Variants in RBM33 observed in about 807,000 individuals in gnomAD.
The protein encoded by RBM33 is RNA binding motif protein 33.
In RBM33, 28 loss-of-function variants were observed where a neutral mutation model predicts 132.6. That is an observed-to-expected ratio of 0.21 (90% CI 0.16 to 0.29). RBM33 has a LOEUF of 0.29. Ranked by LOEUF, RBM33 falls within the 10% of genes least tolerant of loss-of-function variation. The pLI, the probability that RBM33 is intolerant of heterozygous loss-of-function variation, is 1.00. For synonymous variants in RBM33, 634 were observed against 593.0 expected, an observed-to-expected ratio of 1.07 and a Z score of -1.01; for missense variants, 1,291 against 1,518.5, an observed-to-expected ratio of 0.85 and a Z score of 2.49.
intron 16 of RBM33, among the ~76,000 whole-genome samples, chr7:155,767,283 G>C (rs1235818983): frequency 2.6e-5 from 4 of 152,372 alleles, no homozygotes; most frequent in Admixed American, 2.6e-4. Context: ...CTACCTGCTT[G>C]TTCAGTCCGA....
intron 4 of RBM33, among the ~76,000 whole-genome samples, chr7:155,679,531 T>C (rs1451483801): frequency 6.6e-6 from 1 of 152,224 alleles, no homozygotes; most frequent in Non-Finnish European, 1.5e-5. Context: ...TAATAGTTTT[T>C]ATTTTATGAG....
At chr7:155,741,072 G>C (rs1322922073) in intron 12 of RBM33, among the ~76,000 whole-genome samples, 1 of 152,160 alleles carries the variant, frequency 6.6e-6, no homozygotes, top group Non-Finnish European at 1.5e-5. Flanking sequence ...CAACTAAAGT[G>C]CTGTGAACAG....
chr7:155,709,574 ACTTG>A (rs1800218947), intron 7 of RBM33, among the ~76,000 whole-genome samples: 2 of 152,134 alleles, frequency 1.3e-5, no homozygotes, highest in South Asian at 4.1e-4. Flanking sequence ...CCTGAATGTC[ACTTG>A]TTTAATCAAA....
chr7:155,742,182 CTCTCACTAAGTTATTCACAAAATCT>C, intron 13 of RBM33, 76 bp downstream of exon 13: 1 of 1,341,742 alleles, frequency 7.5e-7, no homozygotes, highest in Non-Finnish European at 1.0e-6. Context: ...TCTTAGTTCA[CTCTCACTAAGTTATTCACAAAATCT>C]TCCCACTTTT....
intron 15 of RBM33, among the ~76,000 whole-genome samples, chr7:155,764,616 C>T (rs887048855): frequency 3.3e-5 from 5 of 152,226 alleles, no homozygotes; most frequent in Non-Finnish European, 5.9e-5. Context: ...CTGTCACGTA[C>T]GCAAGTGACA....
At chr7:155,721,976 G>C (rs541286142) in intron 9 of RBM33, among the ~76,000 whole-genome samples, 1 of 152,138 alleles carries the variant, frequency 6.6e-6, no homozygotes. Flanking sequence ...GGTTATGTTA[G>C]TCTTTGCACT....
intron 2 of RBM33, among the ~76,000 whole-genome samples, chr7:155,669,324 C>T (rs1424039235): frequency 1.3e-5 from 2 of 151,986 alleles, no homozygotes; most frequent in African/African-American, 2.4e-5. Flanking sequence ...TCTCATGTGT[C>T]CAGGCAAGAA....
chr7:155,673,946 T>G (rs74486188), intron 3 of RBM33, among the ~76,000 whole-genome samples: 2,917 of 25,286 alleles, frequency 0.12, 461 homozygotes, highest in South Asian at 0.19. Context: ...CTTAGTTTTT[T>G]TTTTTTTTTT....
intron 14 of RBM33, among the ~76,000 whole-genome samples, chr7:155,757,434 A>G (rs1302284213): frequency 1.3e-5 from 2 of 152,240 alleles, no homozygotes; most frequent in Non-Finnish European, 2.9e-5. Flanking sequence ...ATTGCTTAGC[A>G]TGATCTTCAG....
intron 1 of RBM33, among the ~76,000 whole-genome samples, chr7:155,647,952 T>C (rs868318178): frequency 1.3e-5 from 2 of 152,162 alleles, no homozygotes; most frequent in African/African-American, 4.8e-5. Flanking sequence ...AAAAAATCAG[T>C]ACACAAATCG....
chr7:155,762,685 G>T (rs1380306091), intron 14 of RBM33, among the ~76,000 whole-genome samples: 1 of 152,134 alleles, frequency 6.6e-6, no homozygotes, highest in Admixed American at 6.5e-5. Context: ...ACAAGATAAC[G>T]TTTGGTAGGA....
chr7:155,759,177 G>T (rs1801946335), intron 14 of RBM33, among the ~76,000 whole-genome samples: 1 of 152,200 alleles, frequency 6.6e-6, no homozygotes, highest in Non-Finnish European at 1.5e-5. Flanking sequence ...TTTTGAAACA[G>T]ATGAGGAAGA....
intron 14 of RBM33, among the ~76,000 whole-genome samples, chr7:155,761,717 C>G (rs1354875912): frequency 6.6e-6 from 1 of 152,054 alleles, no homozygotes; most frequent in African/African-American, 2.4e-5. Flanking sequence ...TTGCTGATCT[C>G]AAAATACCAA....
At chr7:155,738,794 GA>G (rs1279874850) in intron 11 of RBM33, 1 of 189,344 alleles carries the variant, frequency 5.3e-6, no homozygotes, top group Admixed American at 5.4e-5. Flanking sequence ...TCTTTGCATG[GA>G]GGGAAGAAGA....
intron 7 of RBM33, among the ~76,000 whole-genome samples, chr7:155,709,402 G>C (rs1198298092): frequency 1.3e-5 from 2 of 152,040 alleles, no homozygotes; most frequent in East Asian, 3.9e-4. Context: ...TTCAGGTTTT[G>C]TTCTCGTCCT....
At chr7:155,729,820 C>G (rs973600807) in intron 9 of RBM33, among the ~76,000 whole-genome samples, 1 of 151,854 alleles carries the variant, frequency 6.6e-6, no homozygotes. Flanking sequence ...AACCAGTGAT[C>G]ACCCCAGATC....
chr7:155,768,438 T>C (rs1802294655), intron 16 of RBM33, among the ~76,000 whole-genome samples: 1 of 152,244 alleles, frequency 6.6e-6, no homozygotes, highest in African/African-American at 2.4e-5. Context: ...ATTACAGGCG[T>C]GAGCCACAAA....
At chr7:155,655,534 C>CT (rs756948005) in intron 1 of RBM33, among the ~76,000 whole-genome samples, 5,803 of 80,012 alleles carry the variant, frequency 0.073, 508 homozygotes, top group African/African-American at 0.14. Flanking sequence ...GGCTGTTTGC[C>CT]TTTTTTTTTT....
At position 155,777,011 on chromosome 7, in the gene RBM33, T is replaced by G. The variant is rs1459028728; in HGVS notation, c.*1970T>G. The G allele has an allele frequency of 2.0e-5, 3 of 152,308 alleles. No individual in the cohort carries two copies. The highest frequency in any genetic ancestry group is 7.2e-5 in the African/African-American group (3 of 41,434). 9.4% of individuals were successfully genotyped at this position (152,308 alleles called of 1,614,324 possible). A position where few individuals can be genotyped will look rare whatever the true frequency, so the allele number is the denominator to read the frequency against. ...GAAGGCCTACCGACTTACTTTATCA[T>G]TGAGGGCTTACTGATACAATGAAAT... is the stretch of plus-strand genomic sequence containing the variant. On this transcript the variant is annotated 3_prime_UTR_variant, in exon 18 of 18. Transcript: ENST00000401878.
Sources: gnomAD v4.1 joint callset for allele counts (sites outside exome capture counted in the v4.1 genomes callset) on GRCh38, gnomAD v4.1.1 for gene constraint, MANE v1.5 for transcripts, NCBI Gene and HGNC (gene_info 2026-07-23, HGNC 2026-07-21) for gene names.